The following PAH variants were observed in gnomAD, a reference collection of about 807,000 sequenced individuals.
The protein encoded by PAH is phenylalanine hydroxylase.
Under a neutral mutation model 62.0 loss-of-function variants are expected in PAH, and 64 were observed. That is an observed-to-expected ratio of 1.03 (90% CI 0.84 to 1.27). The LOEUF is 1.27. Ranked by LOEUF, PAH falls within the 50% of genes most tolerant of loss-of-function variation. The pLI, the probability that PAH is intolerant of heterozygous loss-of-function variation, is 0.00. For synonymous variants in PAH, 195 were observed against 196.2 expected (o/e 0.99, Z 0.05); for missense variants, 579 against 542.8 (o/e 1.07, Z -0.66).
chr12:102,874,904 G>A (rs948110918), intron 4 of PAH, among the ~76,000 whole-genome samples: 1 of 152,180 alleles, frequency 6.6e-6, no homozygotes, highest in Admixed American at 6.5e-5. Flanking sequence ...ATACTGCCAA[G>A]GGCCGGGTTC....
chr12:102,899,895 A>G (rs1319911541), intron 2 of PAH, among the ~76,000 whole-genome samples: 1 of 145,940 alleles, frequency 6.9e-6, no homozygotes, highest in Non-Finnish European at 1.5e-5. Flanking sequence ...AAAGTGAGTA[A>G]CAAAAACAAC....
At chr12:102,958,429 A>AGCAGCAGCT (rs71438488), upstream of PAH, 3 of 1,548,802 alleles carry the variant, frequency 1.9e-6, no homozygotes, top group South Asian at 3.6e-5. Context: ...CAGCAGCAGC[A>AGCAGCAGCT]GGCGCCGCAG....
chr12:102,870,320 A>G (rs150592836), intron 4 of PAH, among the ~76,000 whole-genome samples: 1 of 152,336 alleles, frequency 6.6e-6, no homozygotes, highest in East Asian at 1.9e-4. Flanking sequence ...GCTGTGTTGG[A>G]ATACTAATTC....
chr12:102,958,206 G>A, exon 1 of PAH: 1 of 1,436,462 alleles, frequency 7.0e-7, no homozygotes, highest in Non-Finnish European at 9.1e-7. Flanking sequence ...TCGCGTCCCG[G>A]ATCGCTCTGA....
At chr12:102,948,103 A>G (rs1367755989) in intron 1 of PAH, among the ~76,000 whole-genome samples, 1 of 152,214 alleles carries the variant, frequency 6.6e-6, no homozygotes, top group Non-Finnish European at 1.5e-5. Flanking sequence ...GGTGTTGACT[A>G]ATGTTCAAAA....
At chr12:102,877,225 G>C in intron 4 of PAH, 3 of 564,714 alleles carry the variant, frequency 5.3e-6, no homozygotes, top group Non-Finnish European at 6.4e-6. Flanking sequence ...CTAGTATATA[G>C]AGACAATAGT....
At chr12:102,915,988 A>G (rs1878365104) in intron 1 of PAH, among the ~76,000 whole-genome samples, 1 of 151,934 alleles carries the variant, frequency 6.6e-6, no homozygotes, top group Non-Finnish European at 1.5e-5. Flanking sequence ...CCTGCCCCTA[A>G]CCCCTTCCCA....
chr12:102,857,035 A>G (rs1875467364), intron 5 of PAH, among the ~76,000 whole-genome samples: 1 of 152,260 alleles, frequency 6.6e-6, no homozygotes, highest in Non-Finnish European at 1.5e-5. Context: ...TCTCTGAGCT[A>G]AAGGAGGAAG....
In PAH at chr12:102,957,347, C is replaced by G. The variant is rs993124747; in HGVS notation, c.-96+848G>C. ...CTCCTGTGACGCCCCCCACCCCCTT[C>G]CTAAAGCCACCCCCGGCAGCAGCCC... On this transcript the variant is annotated intron_variant, in intron 1 of 4. Coordinates refer to the PAH transcript ENST00000551337. This position sits in a 1 kb window ranked among gnomAD's most constrained non-coding sequence, Gnocchi z 4.1. 1.8e-4 allele frequency among the ~76,000 whole-genome samples: 27 copies of G among 152,296 alleles called. No homozygotes were observed. Among genetic ancestry groups the G allele is most frequent in the African/African-American group, 6.3e-4 (26 of 41,564 alleles).
Position 102,894,857 on chromosome 12 carries a change from T to C in PAH, c.230A>G (p.Tyr77Cys). ...SRPSRLKKDE[Y>C]EFFTHLDKRS... ...TTTATCCAAATGGGTGAAAAATTCA[T>C]ACTCATCTTTCTTTAAACGAGAAGG... Residue 77 changes from tyrosine to cysteine, a missense_variant, in exon 3 of 13, where the codon TAT becomes TGT. Coordinates refer to ENST00000553106, the MANE Select transcript of PAH (RefSeq NM_000277.3). 1 of 1,613,912 alleles carries C rather than the reference T, an allele frequency of 6.2e-7. No homozygotes were observed. Among genetic ancestry groups the C allele is most frequent in the South Asian group, 1.1e-5 (1 of 91,076 alleles).
At chr12:102,928,082 G>A (rs766979084) in intron 1 of PAH, among the ~76,000 whole-genome samples, 1 of 152,100 alleles carries the variant, frequency 6.6e-6, no homozygotes, top group African/African-American at 2.4e-5. Context: ...TCAGTACCAG[G>A]CACATCGGAA....
chr12:102,885,581 T>C (rs190644892), intron 3 of PAH, among the ~76,000 whole-genome samples: 1 of 152,166 alleles, frequency 6.6e-6, no homozygotes, highest in Non-Finnish European at 1.5e-5. Context: ...GCTGGAGAGC[T>C]GGCCCTGGAC....
In PAH at chr12:102,838,297, C is replaced by G. The variant is rs1428502964; in HGVS notation, c.*878G>C. 3.3e-5 allele frequency: 5 copies of G among 152,140 alleles called. No homozygotes were observed. Among genetic ancestry groups the G allele is most frequent in the Non-Finnish European group, 7.3e-5 (5 of 68,032 alleles). 9.4% of individuals were successfully genotyped at this position (152,140 alleles called of 1,614,324 possible). On this transcript the variant is annotated 3_prime_UTR_variant, in exon 13 of 13. Transcript: ENST00000553106. ...AGGCAGTGAGAGGAATATTTCATTCCAGGAAATAACTGAAACAGTGAAATT... is the reference window on the plus strand; with the variant it reads ...AGGCAGTGAGAGGAATATTTCATTCGAGGAAATAACTGAAACAGTGAAATT...
chr12:102,946,715 AC>A (rs1040304148), intron 1 of PAH: 2 of 152,228 alleles, frequency 1.3e-5, no homozygotes, highest in African/African-American at 4.8e-5. Context: ...GTGATATAAA[AC>A]TAAAATAGCG....
intron 1 of PAH, chr12:102,916,678 T>A: frequency 3.7e-6 from 1 of 268,908 alleles, no homozygotes; most frequent in Non-Finnish European, 7.3e-6. Flanking sequence ...TTATAAATAT[T>A]ACAAAAGAAA....
At chr12:102,955,086 G>A (rs907696021), upstream of PAH, among the ~76,000 whole-genome samples, 1 of 152,238 alleles carries the variant, frequency 6.6e-6, no homozygotes. Context: ...TCCCAGCAAC[G>A]ACTGTCCTTC....
chr12:102,936,576 T>A (rs1879107230), intron 1 of PAH, among the ~76,000 whole-genome samples: 1 of 152,198 alleles, frequency 6.6e-6, no homozygotes, highest in African/African-American at 2.4e-5. Context: ...ATTGGATGCA[T>A]ATATATTTAC....
chr12:102,847,400 A>C, intron 8 of PAH: 1 of 209,476 alleles, frequency 4.8e-6, no homozygotes, highest in Non-Finnish European at 9.8e-6. Flanking sequence ...TGGAGAGTCT[A>C]ACACATCATA....
intron 3 of PAH, among the ~76,000 whole-genome samples, chr12:102,889,623 A>G (rs1877196222): frequency 6.6e-6 from 1 of 152,176 alleles, no homozygotes; most frequent in Admixed American, 6.5e-5. Context: ...TGTTCTGGCA[A>G]TTTGAACTCA....
Sources: gnomAD v4.1 joint callset for allele counts (sites outside exome capture counted in the v4.1 genomes callset) on GRCh38, gnomAD v4.1.1 for gene constraint, Gnocchi (gnomAD v3.1) non-coding constraint, MANE v1.5 for transcripts, NCBI Gene and HGNC (gene_info 2026-07-23, HGNC 2026-07-21) for gene names.